Variants in ZNF148 observed in about 807,000 individuals in gnomAD.
ZNF148 encodes zinc finger protein 148, also known as Beta-Enolase Repressor Factor-1.
A neutral mutation model predicts 67.7 loss-of-function variants in ZNF148; 7 were observed. The observed-to-expected ratio is 0.10, with a 90% CI of 0.06 to 0.19. ZNF148 has a LOEUF of 0.19. Ranked by LOEUF, ZNF148 falls within the 10% of genes least tolerant of loss-of-function variation. The probability of loss-of-function intolerance (pLI) is 1.00; values close to 1 mark genes in which losing one functional copy is unlikely to be tolerated. For synonymous variants in ZNF148, 333 were observed against 330.7 expected (o/e 1.01, Z -0.08); for missense variants, 583 against 947.1 (o/e 0.62, Z 5.05).
At position 125,232,375 on chromosome 3, in the gene ZNF148, G is replaced by A. The variant is rs1443402387; in HGVS notation, c.2351C>T (p.Ser784Leu). ...AGTCTGGCCAGTTGTGGCATCAGGT[G>A]AAGATGTCATCCCAGCTCTATTATC... Reference protein sequence around the residue: ...VNDNRAGMTSSPDATTGQTFG With the variant: ...VNDNRAGMTSLPDATTGQTFG Residue 784 changes from serine (S) to leucine (L), a missense_variant, in exon 9 of 9, where the codon TCA (serine) becomes TTA (leucine). Transcript: ENST00000360647. This position sits in a 1 kb window ranked among gnomAD's most constrained non-coding sequence, Gnocchi z 4.2. 6.2e-7 allele frequency: 1 copy of A among 1,606,428 alleles called. No individual in the cohort carries two copies. Among genetic ancestry groups the A allele is most frequent in the African/African-American group, 1.3e-5 (1 of 74,272 alleles).
intron 1 of ZNF148, among the ~76,000 whole-genome samples, chr3:125,362,385 T>C (rs1942570086): frequency 6.6e-6 from 1 of 152,128 alleles, no homozygotes; most frequent in Non-Finnish European, 1.5e-5. Flanking sequence ...ACTTCTTTAA[T>C]CAATTCCTGT....
chr3:125,277,151 G>A (rs1275101151), intron 7 of ZNF148, among the ~76,000 whole-genome samples: 1 of 152,178 alleles, frequency 6.6e-6, no homozygotes, highest in Non-Finnish European at 1.5e-5. Flanking sequence ...ACTTATAAAA[G>A]TTGGTTTTAC....
chr3:125,253,028 C>A (rs1021747140), intron 7 of ZNF148, among the ~76,000 whole-genome samples: 1 of 152,088 alleles, frequency 6.6e-6, no homozygotes. Flanking sequence ...CCGTTCTCTC[C>A]CCTCTCTCTC....
At chr3:125,268,827 GCAA>G (rs1937600063) in intron 7 of ZNF148, among the ~76,000 whole-genome samples, 1 of 151,890 alleles carries the variant, frequency 6.6e-6, no homozygotes, top group Admixed American at 6.6e-5. Flanking sequence ...AAAAAAAACT[GCAA>G]CAAAAACAAA....
intron 2 of ZNF148, among the ~76,000 whole-genome samples, chr3:125,323,820 C>T (rs752324068): frequency 1.1e-4 from 16 of 151,962 alleles, no homozygotes; most frequent in Non-Finnish European, 1.6e-4. Flanking sequence ...ATTAGCCAGG[C>T]GTGGCAGCCG....
At chr3:125,261,809 T>C (rs1937352687) in intron 7 of ZNF148, among the ~76,000 whole-genome samples, 1 of 137,944 alleles carries the variant, frequency 7.2e-6, no homozygotes. Flanking sequence ...CAAAATAACC[T>C]GACAGGGGTT....
chr3:125,335,520 A>C (rs912453738), intron 1 of ZNF148, among the ~76,000 whole-genome samples: 1 of 152,214 alleles, frequency 6.6e-6, no homozygotes, highest in Non-Finnish European at 1.5e-5. Context: ...AAGAGATTCA[A>C]CCTATTGATA....
intron 3 of ZNF148, among the ~76,000 whole-genome samples, chr3:125,321,562 C>T (rs1940771956): frequency 6.6e-6 from 1 of 151,848 alleles, no homozygotes; most frequent in Non-Finnish European, 1.5e-5. Flanking sequence ...TTTTGTAAAA[C>T]AATGTAACAT....
intron 3 of ZNF148, 47 bp from the exon 4 acceptor site, chr3:125,313,703 T>C: frequency 7.3e-7 from 1 of 1,378,958 alleles, no homozygotes; most frequent in South Asian, 1.4e-5. Context: ...TAGTTTTATA[T>C]GACTACTTCA....
In ZNF148 at chr3:125,338,057, T is replaced by C. The variant is rs567635805; in HGVS notation, c.-233-6819A>G. Among the ~76,000 whole-genome samples, 146 of 152,092 alleles carry C rather than the reference T, an allele frequency of 9.6e-4. 1 individual carries two copies. The highest frequency in any genetic ancestry group is 1.6e-3 in the Non-Finnish European group (106 of 67,972). On this transcript the variant is annotated intron_variant, in intron 1 of 8. Coordinates refer to ENST00000360647, the MANE Select transcript of ZNF148 (RefSeq NM_021964.3). ...AGTTTGAGGCTGCAGTGAGCTAGGATTGCACCACTGCACTCCAGCCTGAGC... is the reference window on the plus strand; with the variant it reads ...AGTTTGAGGCTGCAGTGAGCTAGGACTGCACCACTGCACTCCAGCCTGAGC...
At chr3:125,323,665 A>G (rs1347123807) in intron 2 of ZNF148, among the ~76,000 whole-genome samples, 1 of 152,156 alleles carries the variant, frequency 6.6e-6, no homozygotes, top group African/African-American at 2.4e-5. Flanking sequence ...TTGGCCTTAT[A>G]AAGAACAATT....
In ZNF148 at chr3:125,227,087, T is replaced by C. The variant is rs1043829159; in HGVS notation, c.*5254A>G. The C allele has an allele frequency of 4.6e-5, 7 of 151,586 alleles. No homozygotes were observed. Among genetic ancestry groups the C allele is most frequent in the African/African-American group, 1.7e-4 (7 of 40,902 alleles). 9.4% of individuals were successfully genotyped at this position (151,586 alleles called of 1,614,324 possible). A position where few individuals can be genotyped will look rare whatever the true frequency, so the allele number is the denominator to read the frequency against. ...GCTGCAACCTTCCCAAGACACACGA[T>C]GCCCCCCTTTCCCTCGGAAATTTGC... On this transcript the variant is annotated 3_prime_UTR_variant, in exon 9 of 9. Coordinates refer to ENST00000360647, the MANE Select transcript of ZNF148 (RefSeq NM_021964.3).
rs930151836 is a variant in ZNF148, at chr3:125,230,618, C to A, written c.*1723G>T. The A allele has an allele frequency of 3.3e-5, 5 of 152,254 alleles. No homozygotes were observed. The highest frequency in any genetic ancestry group is 1.2e-4 in the African/African-American group (5 of 41,338). 9.4% of individuals were successfully genotyped at this position (152,254 alleles called of 1,614,324 possible). A position where few individuals can be genotyped will look rare whatever the true frequency, so the allele number is the denominator to read the frequency against. On this transcript the variant is annotated 3_prime_UTR_variant, in exon 9 of 9. Transcript: ENST00000360647. ...TCTTCCCTTTCTTTATGAGAACAGT[C>A]TTGGGATAACATTAAATAAAAGAAA...
intron 1 of ZNF148, among the ~76,000 whole-genome samples, chr3:125,364,259 C>T (rs1045434188): frequency 6.6e-6 from 1 of 151,966 alleles, no homozygotes. Context: ...ATTAGCTGGG[C>T]GTGGTGTCAC....
At chr3:125,301,719 T>C (rs1030766489) in intron 4 of ZNF148, among the ~76,000 whole-genome samples, 2 of 152,176 alleles carry the variant, frequency 1.3e-5, no homozygotes, top group Non-Finnish European at 2.9e-5. Context: ...TTCTACAGTT[T>C]TGGGGACCTG....
At chr3:125,308,970 ATGT>A (rs1940048687) in intron 4 of ZNF148, among the ~76,000 whole-genome samples, 1 of 152,202 alleles carries the variant, frequency 6.6e-6, no homozygotes, top group African/African-American at 2.4e-5. Context: ...ATCCCAAAAC[ATGT>A]TGTGCAAAAG....
chr3:125,311,784 G>A (rs1419429429), intron 4 of ZNF148, among the ~76,000 whole-genome samples: 1 of 152,008 alleles, frequency 6.6e-6, no homozygotes, highest in Non-Finnish European at 1.5e-5. Context: ...TAAACCCCTG[G>A]ACATTAAAAG....
intron 1 of ZNF148, among the ~76,000 whole-genome samples, chr3:125,369,304 AG>A (rs1251361857): frequency 5.5e-5 from 8 of 146,482 alleles, no homozygotes; most frequent in African/African-American, 1.0e-4. Context: ...AAGCCTAGAA[AG>A]AACATTCTAG....
At chr3:125,284,514 G>A (rs1249076729) in intron 5 of ZNF148, among the ~76,000 whole-genome samples, 2 of 152,148 alleles carry the variant, frequency 1.3e-5, no homozygotes, top group Admixed American at 6.6e-5. Flanking sequence ...GCAGGGTCAG[G>A]TGGATGGGGG....
Sources: gnomAD v4.1 joint callset for allele counts (sites outside exome capture counted in the v4.1 genomes callset) on GRCh38, gnomAD v4.1.1 for gene constraint, Gnocchi (gnomAD v3.1) non-coding constraint, MANE v1.5 for transcripts, NCBI Gene and HGNC (gene_info 2026-07-23, HGNC 2026-07-21) for gene names.